The following XPO6 variants were observed in gnomAD, a reference collection of about 807,000 sequenced individuals.
XPO6 encodes the protein exportin 6.
In XPO6, 3 loss-of-function variants were observed where a neutral mutation model predicts 130.0. The observed-to-expected ratio is 0.02, with a 90% CI of 0.01 to 0.06. The LOEUF (loss-of-function observed/expected upper bound fraction) is 0.06, where lower values mean the gene tolerates loss of function less well. Ranked by LOEUF, XPO6 falls within the 10% of genes least tolerant of loss-of-function variation. The pLI, the probability that XPO6 is intolerant of heterozygous loss-of-function variation, is 1.00. For synonymous variants in XPO6, 524 were observed against 548.9 expected, an observed-to-expected ratio of 0.95 and a Z score of 0.63; for missense variants, 970 against 1,393.0, an observed-to-expected ratio of 0.70 and a Z score of 4.83.
intron 9 of XPO6, among the ~76,000 whole-genome samples, chr16:28,141,951 A>AG (rs2042902611): frequency 6.6e-6 from 1 of 152,252 alleles, no homozygotes; most frequent in African/African-American, 2.4e-5. Flanking sequence ...GTGAGCATGC[A>AG]GAGCTCCAAT....
At position 28,186,374 on chromosome 16, in the gene XPO6, C is replaced by CTTTTTTTTTTTT. The variant is rs60754642; in HGVS notation, c.4-5355_4-5344dup. ...TATAGATTTTTCTGCCCCAGTTATTCTTTTTTTTTTTTTTTTTGCTAAAGA... is the reference window on the plus strand; with the variant it reads ...TATAGATTTTTCTGCCCCAGTTATTCTTTTTTTTTTTTTTTTTTTTTTTTTTTTTGCTAAAGA... On this transcript the variant is annotated intron_variant, in intron 1 of 23. Coordinates refer to ENST00000304658, the MANE Select transcript of XPO6 (RefSeq NM_015171.4). 9.8e-4 allele frequency among the ~76,000 whole-genome samples: 80 copies of CTTTTTTTTTTTT among 81,406 alleles called. 8 individuals carry two copies. The highest frequency in any genetic ancestry group is 1.7e-3 in the African/African-American group (26 of 15,254). 53.4% of individuals were successfully genotyped at this position (81,406 alleles called of 152,430 possible).
rs190959139 is a variant in XPO6, at chr16:28,199,737, G to A, written c.3+11629C>T. The stretch of plus-strand genomic sequence containing the variant: ...ACCCACCACCACACCTGGCTAATGG[G>A]TTTCACTTATGTTGGCCAGGCTGGT... On this transcript the variant is annotated intron_variant, in intron 1 of 23. Transcript: ENST00000304658. 2.6e-5 allele frequency among the ~76,000 whole-genome samples: 4 copies of A among 152,118 alleles called. No homozygotes were observed. In the East Asian group the frequency reaches 7.8e-4, roughly 30 times the overall value.
chr16:28,113,633 C>T (rs1213037722), intron 15 of XPO6, among the ~76,000 whole-genome samples: 3 of 152,200 alleles, frequency 2.0e-5, no homozygotes, highest in East Asian at 1.9e-4. Flanking sequence ...AGAATTACTT[C>T]GGGAAAAAAA....
At chr16:28,124,058 CTTTT>C (rs5816463) in intron 13 of XPO6, among the ~76,000 whole-genome samples, 1 of 138,268 alleles carries the variant, frequency 7.2e-6, no homozygotes, top group African/African-American at 2.7e-5. Flanking sequence ...ACAGATATAC[CTTTT>C]TTTTTTTTTT....
intron 12 of XPO6, among the ~76,000 whole-genome samples, chr16:28,131,300 G>A (rs958719017): frequency 2.0e-5 from 3 of 152,132 alleles, no homozygotes; most frequent in East Asian, 1.9e-4. Context: ...GGACAGCCTC[G>A]GAAAAAGGCT....
At chr16:28,174,353 C>T (rs999875744) in intron 4 of XPO6, among the ~76,000 whole-genome samples, 3 of 152,178 alleles carry the variant, frequency 2.0e-5, no homozygotes, top group African/African-American at 7.2e-5. Context: ...AACACAACCC[C>T]CGCTAGTTTC....
intron 9 of XPO6, among the ~76,000 whole-genome samples, chr16:28,140,093 G>C (rs549635459): frequency 5.9e-5 from 9 of 152,050 alleles, no homozygotes; most frequent in Admixed American, 3.3e-4. Flanking sequence ...TTAGCCAGGC[G>C]TGGTGGCGGG....
At chr16:28,188,108 T>A (rs1053506981) in intron 1 of XPO6, among the ~76,000 whole-genome samples, 11 of 152,200 alleles carry the variant, frequency 7.2e-5, no homozygotes, top group South Asian at 2.1e-4. Flanking sequence ...GACTATTTTT[T>A]AAATTTTTTT....
At chr16:28,154,950 A>G (rs562661810) in intron 7 of XPO6, among the ~76,000 whole-genome samples, 27 of 152,360 alleles carry the variant, frequency 1.8e-4, no homozygotes, top group African/African-American at 6.5e-4. Flanking sequence ...ATGGAAAGCT[A>G]TCACCAAATA....
At chr16:28,201,392 G>C (rs1323674138) in intron 1 of XPO6, among the ~76,000 whole-genome samples, 3 of 152,124 alleles carry the variant, frequency 2.0e-5, no homozygotes, top group African/African-American at 7.2e-5. Context: ...TGCTTACTAG[G>C]CACTAAAGAG....
intron 6 of XPO6, among the ~76,000 whole-genome samples, chr16:28,161,289 A>C (rs1339003855): frequency 1.3e-5 from 2 of 152,168 alleles, no homozygotes; most frequent in African/African-American, 4.8e-5. Flanking sequence ...GGACTCCCTA[A>C]AAGGGTTTGG....
At chr16:28,117,556 T>C (rs1273479807) in intron 14 of XPO6, 94 bp from the exon 15 acceptor site, 4 of 1,440,076 alleles carry the variant, frequency 2.8e-6, no homozygotes, top group Non-Finnish European at 3.8e-6. Flanking sequence ...TTGCATCCAC[T>C]GCATTTGCTG....
chr16:28,156,515 C>A lies in XPO6; in HGVS notation c.656G>T (p.Ser219Ile). The change falls in exon 7 of 24, where the codon AGT becomes ATT. Residue 219 changes from serine to isoleucine, a missense_variant. Physicochemically the swap from Ser to Ile is moderately radical, Grantham distance 142. Coordinates refer to ENST00000304658, the MANE Select transcript of XPO6 (RefSeq NM_015171.4). ...PTSGESGDLL[S>I]NLLQSPSSAK... is the part of the protein sequence containing the mutation. ...TGAACTGGGACTCTGCAACAGGTTA[C>A]TCAGTAAGTCACCTGAAAATAAGAA... The A allele has an allele frequency of 1.9e-6, 3 of 1,547,326 alleles. No individual in the cohort carries two copies. Among genetic ancestry groups the A allele is most frequent in the Non-Finnish European group, 2.6e-6 (3 of 1,144,740 alleles).
chr16:28,114,180 A>G (rs2141251829), intron 15 of XPO6, among the ~76,000 whole-genome samples: 1 of 150,046 alleles, frequency 6.7e-6, no homozygotes, highest in East Asian at 2.0e-4. Flanking sequence ...AGCAATAGGA[A>G]AATTATTATA....
At chr16:28,112,270 TAGAG>T (rs1233509401) in intron 16 of XPO6, among the ~76,000 whole-genome samples, 1 of 152,174 alleles carries the variant, frequency 6.6e-6, no homozygotes, top group Non-Finnish European at 1.5e-5. Flanking sequence ...CTTGAAGTAT[TAGAG>T]AGGGAAAAAT....
At chr16:28,134,851 C>T (rs1413017663) in intron 10 of XPO6, among the ~76,000 whole-genome samples, 1 of 152,164 alleles carries the variant, frequency 6.6e-6, no homozygotes, top group Non-Finnish European at 1.5e-5. Context: ...ATCTTGCTAA[C>T]GGTCTCCACA....
intron 1 of XPO6, among the ~76,000 whole-genome samples, chr16:28,195,224 GGTGA>G (rs559681220): frequency 4.3e-4 from 66 of 152,110 alleles, no homozygotes; most frequent in Non-Finnish European, 6.8e-4. Flanking sequence ...ATACACTTTT[GGTGA>G]TTTTTCCTCC....
intron 6 of XPO6, among the ~76,000 whole-genome samples, chr16:28,159,736 G>T (rs972037710): frequency 4.6e-5 from 7 of 152,072 alleles, no homozygotes; most frequent in Non-Finnish European, 5.9e-5. Context: ...ACATGGTGGC[G>T]GGGGGAGGTG....
At chr16:28,136,483 GT>G (rs1395062962) in intron 9 of XPO6, among the ~76,000 whole-genome samples, 1 of 152,168 alleles carries the variant, frequency 6.6e-6, no homozygotes, top group African/African-American at 2.4e-5. Context: ...ACCTCCCAAA[GT>G]GTCAGGATTA....
Sources: allele counts gnomAD v4.1 joint callset (sites outside exome capture counted in the v4.1 genomes callset), GRCh38; gene constraint gnomAD v4.1.1; transcripts MANE v1.5; gene names NCBI Gene and HGNC (gene_info 2026-07-23, HGNC 2026-07-21).